LOC400499: variants seen among roughly 807,000 people sequenced by gnomAD.
the LOC400499 span, among the ~76,000 whole-genome samples, chr16:11,475,184 G>A: frequency 6.6e-6 from 1 of 152,042 alleles, no homozygotes; most frequent in Non-Finnish European, 1.5e-5. Flanking sequence ...CAAAGGGAGG[G>A]AGAGCATTAG....
At chr16:11,405,245 G>A in the LOC400499 span, among the ~76,000 whole-genome samples, 2 of 152,202 alleles carry the variant, frequency 1.3e-5, no homozygotes, top group African/African-American at 2.4e-5. Context: ...AGGGCTACAC[G>A]GTGGAGAGGA....
the LOC400499 span, chr16:11,392,120 G>T: frequency 4.0e-5 from 16 of 399,156 alleles, no homozygotes; most frequent in East Asian, 5.3e-4. Context: ...GACAGAGGAA[G>T]AGGCTGGGGC....
the LOC400499 span, among the ~76,000 whole-genome samples, chr16:11,507,052 C>T: frequency 0.052 from 7,990 of 152,272 alleles, 504 homozygotes; most frequent in African/African-American, 0.15. Flanking sequence ...GCTAGCACCG[C>T]CAGCGTCCAA....
At chr16:11,521,557 T>C in the LOC400499 span, among the ~76,000 whole-genome samples, 1 of 152,094 alleles carries the variant, frequency 6.6e-6, no homozygotes, top group Non-Finnish European at 1.5e-5. Context: ...GGGAATAGAC[T>C]TCCACCCAGT....
chr16:11,383,900 C>T, the LOC400499 span: 186,935 of 1,231,930 alleles, frequency 0.15, 15,334 homozygotes, highest in Non-Finnish European at 0.17. Flanking sequence ...CGGAAGCAGT[C>T]CCTCAAGCTG....
At chr16:11,372,286 C>G in the LOC400499 span, 1 of 152,244 alleles carries the variant, frequency 6.6e-6, no homozygotes, top group East Asian at 1.9e-4. Context: ...ACCCCTGGAT[C>G]AGGCAGGGAA....
chr16:11,519,554 T>C, the LOC400499 span, among the ~76,000 whole-genome samples: 2 of 152,246 alleles, frequency 1.3e-5, no homozygotes, highest in East Asian at 1.9e-4. Context: ...CTGGCCAACA[T>C]GGTGGAACCC....
chr16:11,502,077 C>T, the LOC400499 span: 3 of 399,162 alleles, frequency 7.5e-6, no homozygotes, highest in African/African-American at 6.2e-5. Context: ...GGGACCTTAC[C>T]CATTGTCTCG....
At chr16:11,503,878 T>C in the LOC400499 span, among the ~76,000 whole-genome samples, 2 of 152,364 alleles carry the variant, frequency 1.3e-5, no homozygotes, top group South Asian at 4.1e-4. Flanking sequence ...AAAGACTCTA[T>C]TGCCCAGTTT....
the LOC400499 span, among the ~76,000 whole-genome samples, chr16:11,519,142 C>T: frequency 4.6e-5 from 7 of 152,088 alleles, no homozygotes; most frequent in Admixed American, 1.3e-4. Context: ...TGGTGAAGGC[C>T]GAATGTCTCA....
chr16:11,401,879 C>T, the LOC400499 span, among the ~76,000 whole-genome samples: 2 of 152,188 alleles, frequency 1.3e-5, no homozygotes, highest in Non-Finnish European at 2.9e-5. Flanking sequence ...CTCCTGCTGC[C>T]CCCCCAGTGC....
chr16:11,523,178 C>A, the LOC400499 span, among the ~76,000 whole-genome samples: 1 of 152,184 alleles, frequency 6.6e-6, no homozygotes, highest in Non-Finnish European at 1.5e-5. Context: ...AAGAGGAAGC[C>A]TTGGGGGCTG....
chr16:11,484,944 G>C, the LOC400499 span: 1 of 399,518 alleles, frequency 2.5e-6, no homozygotes, highest in Non-Finnish European at 4.4e-6. Context: ...GCTGGCTGTG[G>C]TGCAGGCCCT....
chr16:11,479,318 A>G, the LOC400499 span, among the ~76,000 whole-genome samples: 1 of 152,164 alleles, frequency 6.6e-6, no homozygotes, highest in African/African-American at 2.4e-5. Flanking sequence ...AGATTTACGG[A>G]AAAGTTGAAA....
the LOC400499 span, chr16:11,469,272 G>C: frequency 1.3e-5 from 5 of 399,106 alleles, no homozygotes; most frequent in Non-Finnish European, 2.2e-5. Flanking sequence ...TGCAAAACAA[G>C]AGTTTAGAGA....
At chr16:11,421,947 C>G in the LOC400499 span, among the ~76,000 whole-genome samples, 3 of 152,206 alleles carry the variant, frequency 2.0e-5, no homozygotes, top group Admixed American at 2.0e-4. Context: ...TTTACTACAA[C>G]AAGAAATGTG....
chr16:11,424,348 G>C, the LOC400499 span: 5 of 399,622 alleles, frequency 1.3e-5, no homozygotes, highest in African/African-American at 1.0e-4. Context: ...GGGAGTCCTG[G>C]GGGAAGAGGC....
chr16:11,526,108 A>G, the LOC400499 span, among the ~76,000 whole-genome samples: 1 of 152,250 alleles, frequency 6.6e-6, no homozygotes, highest in African/African-American at 2.4e-5. Flanking sequence ...ATGCTGAAAT[A>G]AAAGCCCAAA....
the LOC400499 span, chr16:11,493,666 C>A: frequency 2.5e-6 from 1 of 397,410 alleles, no homozygotes; most frequent in Non-Finnish European, 4.4e-6. Flanking sequence ...GGGGACCCTT[C>A]GGAAGGCCTG....
Sources: gnomAD v4.1 joint callset for allele counts (sites outside exome capture counted in the v4.1 genomes callset) on GRCh38, gnomAD v4.1.1 for gene constraint, MANE v1.5 for transcripts.